The following FARS2 variants were observed in gnomAD, a reference collection of about 807,000 sequenced individuals.
FARS2 encodes phenylalanine--tRNA ligase, mitochondrial.
FARS2 carries 40 observed loss-of-function variants against 46.4 expected under a neutral mutation model. The ratio of observed to expected loss-of-function variants is 0.86; its 90% CI spans 0.67 to 1.12. FARS2 has a LOEUF of 1.12. Ranked by LOEUF, FARS2 falls within the 50% of genes most tolerant of loss-of-function variation. FARS2 has a pLI of 0.00. For synonymous variants in FARS2, 234 were observed against 214.9 expected, an observed-to-expected ratio of 1.09 and a Z score of -0.78; for missense variants, 513 against 567.9, an observed-to-expected ratio of 0.90 and a Z score of 0.98.
intron 6 of FARS2, among the ~76,000 whole-genome samples, chr6:5,677,951 T>G (rs919803073): frequency 2.0e-5 from 3 of 152,162 alleles, no homozygotes; most frequent in Non-Finnish European, 4.4e-5. Flanking sequence ...AAGTATGGAT[T>G]CGAATGGCAT....
chr6:5,369,451 C>G (rs1003802884), intron 2 of FARS2, among the ~76,000 whole-genome samples: 1 of 152,148 alleles, frequency 6.6e-6, no homozygotes, highest in African/African-American at 2.4e-5. Context: ...CCGCCATTCT[C>G]TGGGTTACTT....
Position 5,463,380 on chromosome 6 carries a change from G to A in FARS2, c.904+32208G>A, listed in dbSNP as rs1267176556. Among the ~76,000 whole-genome samples, 3 of 152,068 alleles carry A rather than the reference G, an allele frequency of 2.0e-5. No homozygotes were observed. In the East Asian group the frequency reaches 5.8e-4, roughly 29 times the overall value. ...TTTCAGGAACCTTTCCTTTGTCCTT[G>A]TGCGTTCTGAAACCTCACATTGTGT... On this transcript the variant is annotated intron_variant, in intron 4 of 6. Transcript: ENST00000274680.
intron 6 of FARS2, among the ~76,000 whole-genome samples, chr6:5,645,868 C>T (rs1777051015): frequency 6.6e-6 from 1 of 152,170 alleles, no homozygotes; most frequent in African/African-American, 2.4e-5. Context: ...AACAAAGAAC[C>T]TTTTCAGTGT....
intron 4 of FARS2, among the ~76,000 whole-genome samples, chr6:5,507,572 A>G (rs1218524396): frequency 6.6e-6 from 1 of 152,252 alleles, no homozygotes; most frequent in African/African-American, 2.4e-5. Context: ...GGTGGAAGGC[A>G]GGGGCTCATG....
chr6:5,680,676 T>C (rs985411060), intron 6 of FARS2, among the ~76,000 whole-genome samples: 22 of 152,178 alleles, frequency 1.4e-4, no homozygotes, highest in African/African-American at 5.3e-4. Context: ...CATTTTGGTA[T>C]ATTTCCTTCT....
At chr6:5,374,930 A>C (rs1759282970) in intron 2 of FARS2, among the ~76,000 whole-genome samples, 1 of 152,080 alleles carries the variant, frequency 6.6e-6, no homozygotes, top group Non-Finnish European at 1.5e-5. Flanking sequence ...AAATAGAGGG[A>C]AACTTCCTTG....
At chr6:5,634,576 C>A (rs1776450677) in intron 6 of FARS2, among the ~76,000 whole-genome samples, 1 of 152,214 alleles carries the variant, frequency 6.6e-6, no homozygotes, top group South Asian at 2.1e-4. Context: ...CTCCCACCTT[C>A]ACCTCCCAAA....
chr6:5,769,239 C>T (rs1287147005), intron 6 of FARS2, among the ~76,000 whole-genome samples: 3 of 152,104 alleles, frequency 2.0e-5, no homozygotes, highest in African/African-American at 7.2e-5. Flanking sequence ...AAGACATTTC[C>T]CCCTTGGATA....
intron 1 of FARS2, among the ~76,000 whole-genome samples, chr6:5,288,089 T>A (rs1241682256): frequency 6.6e-6 from 1 of 152,184 alleles, no homozygotes; most frequent in African/African-American, 2.4e-5. Context: ...GCATCCAACA[T>A]GTTTGTTCCC....
chr6:5,427,799 G>C (rs1762934146), intron 3 of FARS2, among the ~76,000 whole-genome samples: 1 of 152,038 alleles, frequency 6.6e-6, no homozygotes, highest in South Asian at 2.1e-4. Context: ...AGAAACTGAG[G>C]GCTTGTGGTG....
At chr6:5,413,488 T>A (rs529624151) in intron 3 of FARS2, among the ~76,000 whole-genome samples, 158 of 152,192 alleles carry the variant, frequency 1.0e-3, no homozygotes, top group African/African-American at 3.8e-3. Context: ...CCATTAAGAT[T>A]TAGGGAGAGA....
chr6:5,470,696 A>C (rs1048762494), intron 4 of FARS2, among the ~76,000 whole-genome samples: 2 of 152,210 alleles, frequency 1.3e-5, no homozygotes, highest in Non-Finnish European at 2.9e-5. Flanking sequence ...AAACTGAAAA[A>C]CAAAGTTGGA....
chr6:5,540,367 A>G (rs137937106), intron 4 of FARS2, among the ~76,000 whole-genome samples: 1 of 152,326 alleles, frequency 6.6e-6, no homozygotes, highest in Non-Finnish European at 1.5e-5. Flanking sequence ...CTCATCTGTG[A>G]AACTGGTATT....
intron 1 of FARS2, among the ~76,000 whole-genome samples, chr6:5,312,755 A>G (rs920411924): frequency 6.6e-6 from 1 of 152,220 alleles, no homozygotes; most frequent in Non-Finnish European, 1.5e-5. Context: ...AGTGCCCAGT[A>G]TGTGCAAGCA....
chr6:5,267,134 A>G (rs1274949170), intron 1 of FARS2, among the ~76,000 whole-genome samples: 4 of 144,204 alleles, frequency 2.8e-5, no homozygotes, highest in Non-Finnish European at 6.0e-5. Flanking sequence ...TTCAAATGTC[A>G]GTTATTTCTA....
chr6:5,715,568 A>G (rs977534625), intron 6 of FARS2, among the ~76,000 whole-genome samples: 1 of 152,170 alleles, frequency 6.6e-6, no homozygotes, highest in Admixed American at 6.5e-5. Context: ...ATAAGGAATC[A>G]TATAATATGT....
intron 1 of FARS2, among the ~76,000 whole-genome samples, chr6:5,264,015 C>T (rs138643214): frequency 0.023 from 3,474 of 152,108 alleles, 109 homozygotes; most frequent in African/African-American, 0.077. Context: ...AGTTTGAGAC[C>T]AGCCTGGGCA....
chr6:5,453,379 A>G (rs952950064), intron 4 of FARS2, among the ~76,000 whole-genome samples: 1 of 152,222 alleles, frequency 6.6e-6, no homozygotes, highest in Non-Finnish European at 1.5e-5. Context: ...GAAGGAGGGA[A>G]ACATAATTAA....
chr6:5,261,454 T>C (rs987995115), upstream of FARS2: 1 of 146,880 alleles, frequency 6.8e-6, no homozygotes, highest in Non-Finnish European at 1.5e-5. Flanking sequence ...GGTGATGAGC[T>C]AGGGGTTCTG....
Sources: gnomAD v4.1 joint callset for allele counts (sites outside exome capture counted in the v4.1 genomes callset) on GRCh38, gnomAD v4.1.1 for gene constraint, MANE v1.5 for transcripts, NCBI Gene and HGNC (gene_info 2026-07-23, HGNC 2026-07-21) for gene names.